Variants in SLC25A42 observed in about 807,000 individuals in gnomAD.
SLC25A42 encodes mitochondrial coenzyme A transporter SLC25A42.
A neutral mutation model predicts 34.7 loss-of-function variants in SLC25A42; 19 were observed. The ratio of observed to expected loss-of-function variants is 0.55; its 90% confidence interval spans 0.38 to 0.80. The LOEUF (loss-of-function observed/expected upper bound fraction) is 0.80, where lower values mean the gene tolerates loss of function less well. Among genes scored for constraint, SLC25A42 ranks in the 30% least tolerant of loss-of-function variants. The pLI, the probability that SLC25A42 is intolerant of heterozygous loss-of-function variation, is 0.00. For synonymous variants in SLC25A42, 205 were observed against 191.2 expected (o/e 1.07, Z -0.59); for missense variants, 364 against 441.3 (o/e 0.82, Z 1.57).
chr19:19,102,086 G>A (rs1293208103), intron 3 of SLC25A42, among the ~76,000 whole-genome samples, 200 bp downstream of exon 3: 2 of 151,448 alleles, frequency 1.3e-5, no homozygotes, highest in East Asian at 1.9e-4. Flanking sequence ...TTGGCTCACC[G>A]CAAGCTCTGC....
rs2059862451 is a variant in SLC25A42 at position 19,111,066 on chromosome 19, G to A, written c.*190G>A. 2 of 637,242 alleles carry A rather than the reference G, an allele frequency of 3.1e-6. No individual in the cohort carries two copies. Among genetic ancestry groups the A allele is most frequent in the Non-Finnish European group, 2.7e-6 (1 of 371,724 alleles). 39.5% of individuals were successfully genotyped at this position (637,242 alleles called of 1,614,324 possible). On this transcript the variant is annotated 3_prime_UTR_variant, in exon 8 of 8. Transcript: ENST00000318596. ...ACGCAAAGCTGGCAGCCCTGGAAGT[G>A]CAGTGTTGGGGCGATGGTGTGGGGG... is the stretch of plus-strand genomic sequence containing the variant.
intron 1 of SLC25A42, among the ~76,000 whole-genome samples, chr19:19,067,506 C>T (rs1286982781): frequency 1.3e-5 from 2 of 152,018 alleles, no homozygotes; most frequent in Non-Finnish European, 1.5e-5. Context: ...CTGCTTGAGC[C>T]CAGGAGTTCA....
rs2059852115 is a variant in SLC25A42 at position 19,109,629 on chromosome 19, C to A, written c.650-940C>A. Among the ~76,000 whole-genome samples, 1 of 152,172 alleles carries A rather than the reference C, an allele frequency of 6.6e-6. No homozygotes were observed. The highest frequency in any genetic ancestry group is 2.1e-4 in the South Asian group (1 of 4,832). On this transcript the variant is annotated intron_variant, in intron 7 of 7. Transcript: ENST00000318596. This position sits in a 1 kb window ranked among gnomAD's most constrained non-coding sequence, Gnocchi z 4.1. ...TGTGTTTTTGGTAGAGACAGGGTTT[C>A]TCCATGTTGGCCAGGCTGGTCTCCA...
intron 6 of SLC25A42, among the ~76,000 whole-genome samples, 164 bp from the exon 7 acceptor site, chr19:19,107,730 C>T (rs1157071898): frequency 6.6e-6 from 1 of 152,152 alleles, no homozygotes; most frequent in Non-Finnish European, 1.5e-5. Flanking sequence ...CCTCTAATAA[C>T]AAAGCTTGAG....
intron 5 of SLC25A42, 151 bp from the exon 6 acceptor site, chr19:19,106,118 C>A: frequency 1.5e-6 from 1 of 655,358 alleles, no homozygotes; most frequent in Non-Finnish European, 2.7e-6. Flanking sequence ...ACCCCATCAG[C>A]TTGGCCAGGA....
chr19:19,069,361 C>G (rs1186956792), intron 1 of SLC25A42, among the ~76,000 whole-genome samples: 15 of 152,226 alleles, frequency 9.9e-5, no homozygotes, highest in Admixed American at 9.2e-4. Flanking sequence ...CAGGCCAACA[C>G]TTGGAGGCTT....
At chr19:19,080,923 T>TAAA (rs369757922) in intron 1 of SLC25A42, among the ~76,000 whole-genome samples, 23 of 139,556 alleles carry the variant, frequency 1.6e-4, no homozygotes, top group Non-Finnish European at 2.7e-4. Flanking sequence ...CTATAAAATT[T>TAAA]AAAAAAAAAA....
At chr19:19,093,271 C>T (rs537179484) in intron 1 of SLC25A42, among the ~76,000 whole-genome samples, 1 of 152,322 alleles carries the variant, frequency 6.6e-6, no homozygotes, top group Non-Finnish European at 1.5e-5. Context: ...CTACCTCAGC[C>T]TCTCAAAGTG....
rs2059873870 is a variant in SLC25A42, at chr19:19,112,921, CG to C, written c.*2046del. On this transcript the variant is annotated 3_prime_UTR_variant, in exon 8 of 8. Coordinates refer to ENST00000318596, the MANE Select transcript of SLC25A42 (RefSeq NM_178526.5). The surrounding 1 kb of genome is among the most constrained non-coding windows in gnomAD (Gnocchi z 4.3). ...CTCCTGGCTCTTCTTTGGCTCTGAC[CG>C]CCCCCCCATCTTCCCCCATGAACCC... is the stretch of plus-strand genomic sequence containing the variant. The C allele has an allele frequency of 6.6e-6, 1 of 152,322 alleles. No homozygotes were observed. The highest frequency in any genetic ancestry group is 1.5e-5 in the Non-Finnish European group (1 of 68,064). The allele number at this position is 152,322 out of a possible 1,614,324, so 9.4% of individuals were successfully genotyped here. A position where few individuals can be genotyped will look rare whatever the true frequency, so the allele number is the denominator to read the frequency against.
chr19:19,105,134 G>T, intron 4 of SLC25A42, 196 bp downstream of exon 4: 1 of 650,890 alleles, frequency 1.5e-6, no homozygotes. Context: ...CGGCAGTGGG[G>T]TGGGGAGACT....
intron 1 of SLC25A42, among the ~76,000 whole-genome samples, chr19:19,084,698 A>G (rs1309923752): frequency 6.6e-6 from 1 of 152,086 alleles, no homozygotes; most frequent in Non-Finnish European, 1.5e-5. Flanking sequence ...CCCTGGCTGA[A>G]CCCACCTTAC....
At position 19,064,854 on chromosome 19, in the gene SLC25A42, C is replaced by T. The variant is rs181663968; in HGVS notation, c.-35+739C>T. Reference sequence around the variant, plus strand: ...TATCTCAGGATCGCTGCACCCTCCCCTCCCCAAACAAAAGCTTACCCCAGT... The same window carrying T: ...TATCTCAGGATCGCTGCACCCTCCCTTCCCCAAACAAAAGCTTACCCCAGT... On this transcript the variant is annotated intron_variant, in intron 1 of 7. Coordinates refer to ENST00000318596, the MANE Select transcript of SLC25A42 (RefSeq NM_178526.5). 3.3e-5 allele frequency among the ~76,000 whole-genome samples: 5 copies of T among 152,246 alleles called. No homozygotes were observed. The East Asian group carries it at 9.7e-4, about 29-fold the overall frequency.
intron 1 of SLC25A42, among the ~76,000 whole-genome samples, chr19:19,071,325 AT>A (rs2059629031): frequency 6.6e-6 from 1 of 152,066 alleles, no homozygotes; most frequent in South Asian, 2.1e-4. Flanking sequence ...GTACATCTTA[AT>A]TTTGCTTTCT....
intron 1 of SLC25A42, among the ~76,000 whole-genome samples, chr19:19,092,913 G>A (rs1169736774): frequency 2.0e-5 from 3 of 152,138 alleles, no homozygotes; most frequent in Non-Finnish European, 2.9e-5. Flanking sequence ...GGGGCGGAGT[G>A]AAACAGACGC....
intron 1 of SLC25A42, among the ~76,000 whole-genome samples, chr19:19,066,833 G>A (rs1181496502): frequency 2.0e-5 from 3 of 152,182 alleles, no homozygotes; most frequent in South Asian, 2.1e-4. Flanking sequence ...CACATTGAAC[G>A]TATTTGGGCT....
At chr19:19,078,852 G>A (rs2059667729) in intron 1 of SLC25A42, among the ~76,000 whole-genome samples, 1 of 151,684 alleles carries the variant, frequency 6.6e-6, no homozygotes, top group Non-Finnish European at 1.5e-5. Flanking sequence ...AGTTACCATT[G>A]TGAGCTTTTT....
chr19:19,092,470 G>C (rs1721218371), intron 1 of SLC25A42, among the ~76,000 whole-genome samples: 1 of 152,208 alleles, frequency 6.6e-6, no homozygotes, highest in African/African-American at 2.4e-5. Context: ...TCCAGTGAAG[G>C]ATGGTACCAT....
chr19:19,078,040 C>A (rs115709245), intron 1 of SLC25A42, among the ~76,000 whole-genome samples: 2,925 of 152,282 alleles, frequency 0.019, 88 homozygotes, highest in African/African-American at 0.067. Flanking sequence ...CACACGTGTT[C>A]CCATTCTCCT....
At chr19:19,067,203 C>G (rs550522301) in intron 1 of SLC25A42, among the ~76,000 whole-genome samples, 1 of 152,256 alleles carries the variant, frequency 6.6e-6, no homozygotes, top group East Asian at 1.9e-4. Flanking sequence ...ACATCACTTC[C>G]ATGCTTCCTA....
Sources: gnomAD v4.1 joint callset for allele counts (sites outside exome capture counted in the v4.1 genomes callset) on GRCh38, gnomAD v4.1.1 for gene constraint, Gnocchi (gnomAD v3.1) non-coding constraint, MANE v1.5 for transcripts, NCBI Gene and HGNC (gene_info 2026-07-23, HGNC 2026-07-21) for gene names.